GSG1L: variants seen among roughly 807,000 people sequenced by gnomAD.
The protein encoded by GSG1L is germ cell-specific gene 1-like protein.
In GSG1L, 24 loss-of-function variants were observed where a neutral mutation model predicts 42.1. That is an observed-to-expected ratio of 0.57 (90% CI 0.41 to 0.80). The LOEUF (loss-of-function observed/expected upper bound fraction) is 0.80. Ranked by LOEUF, GSG1L falls within the 30% of genes least tolerant of loss-of-function variation. The pLI is 0.00. For missense variants in GSG1L, 445 were observed against 472.2 expected (o/e 0.94, Z 0.53); for synonymous variants, 215 against 203.5 (o/e 1.06, Z -0.48).
chr16:27,897,141 G>A (rs144501327), intron 2 of GSG1L, among the ~76,000 whole-genome samples: 413 of 152,334 alleles, frequency 2.7e-3, no homozygotes, highest in African/African-American at 9.2e-3. Context: ...TGGGATAACA[G>A]GCATGGGCCA....
chr16:27,835,679 T>C (rs2140973213), intron 4 of GSG1L, among the ~76,000 whole-genome samples: 1 of 152,222 alleles, frequency 6.6e-6, no homozygotes, highest in South Asian at 2.1e-4. Flanking sequence ...TGTATATAGC[T>C]TTTTTAGGGG....
chr16:27,831,851 C>T (rs1358141654), intron 4 of GSG1L, among the ~76,000 whole-genome samples: 3 of 152,194 alleles, frequency 2.0e-5, no homozygotes, highest in Non-Finnish European at 2.9e-5. Context: ...GCCCTACGGT[C>T]TCTTTTCCAC....
intron 6 of GSG1L, among the ~76,000 whole-genome samples, chr16:27,797,821 CAAAAAAA>C (rs59207468): frequency 3.9e-5 from 3 of 77,218 alleles, no homozygotes; most frequent in African/African-American, 5.2e-5. Flanking sequence ...GACTCCATCT[CAAAAAAA>C]AAAAAAAAAA....
rs374722739 is a variant in GSG1L at position 27,857,314 on chromosome 16, G to C, written c.551-12253C>G. Among the ~76,000 whole-genome samples the C allele has an allele frequency of 3.3e-3, 497 of 151,782 alleles. 2 individuals carry two copies. Among genetic ancestry groups the C allele is most frequent in the African/African-American group, 0.011 (467 of 41,336 alleles). ...GTGGTGGTGGGCACCTGTAGCCCCA[G>C]CTACTTGGGAGGCTGAGGCAGGGGA... is the stretch of plus-strand genomic sequence containing the variant. On this transcript the variant is annotated intron_variant, in intron 3 of 6. Coordinates refer to ENST00000447459, the MANE Select transcript of GSG1L (RefSeq NM_001109763.2).
intron 1 of GSG1L, among the ~76,000 whole-genome samples, chr16:28,001,782 G>C (rs1049352044): frequency 1.3e-5 from 2 of 152,168 alleles, no homozygotes; most frequent in African/African-American, 2.4e-5. Context: ...GCCCAGAAGG[G>C]GGCCCAAGGT....
intron 2 of GSG1L, among the ~76,000 whole-genome samples, chr16:27,955,540 G>A (rs1203399328): frequency 6.6e-6 from 1 of 152,132 alleles, no homozygotes; most frequent in Non-Finnish European, 1.5e-5. Context: ...GGAAGACAAG[G>A]GAGCAGCCAA....
At position 28,040,228 on chromosome 16, in the gene GSG1L, G is replaced by A. The variant is rs2086091300; in HGVS notation, c.349+22848C>T. 6.6e-6 allele frequency among the ~76,000 whole-genome samples: 1 copy of A among 152,092 alleles called. No individual in the cohort carries two copies. Among genetic ancestry groups the A allele is most frequent in the East Asian group, 1.9e-4 (1 of 5,180 alleles). On this transcript the variant is annotated intron_variant, in intron 1 of 6. Coordinates refer to ENST00000447459, the MANE Select transcript of GSG1L (RefSeq NM_001109763.2). This position sits in a 1 kb window ranked among gnomAD's most constrained non-coding sequence, Gnocchi z 4.1. The stretch of plus-strand genomic sequence containing the variant: ...CTCCCTTCAGGTCCCTCTCCCACCC[G>A]AGGGCCTTTTCACTTGCGATTGCCT...
At chr16:27,900,595 G>C (rs928792677) in intron 2 of GSG1L, among the ~76,000 whole-genome samples, 3 of 152,160 alleles carry the variant, frequency 2.0e-5, no homozygotes, top group Admixed American at 1.3e-4. Flanking sequence ...GAGAAGGAAA[G>C]AGATTCACCC....
At chr16:27,902,360 A>G (rs1685872365) in intron 2 of GSG1L, among the ~76,000 whole-genome samples, 1 of 152,154 alleles carries the variant, frequency 6.6e-6, no homozygotes, top group Admixed American at 6.5e-5. Flanking sequence ...CTGAGAGATG[A>G]GAAAAGGCCA....
At chr16:27,888,907 A>C (rs2084087501) in intron 2 of GSG1L, among the ~76,000 whole-genome samples, 1 of 126,424 alleles carries the variant, frequency 7.9e-6, no homozygotes, top group Non-Finnish European at 1.8e-5. Flanking sequence ...CCTGAGCTGC[A>C]CCCAGCTGGC....
chr16:27,828,849 T>G lies in GSG1L; in HGVS notation c.770A>C (p.Gln257Pro). Residue 257 changes from glutamine (Q) to proline (P), a missense_variant, in exon 5 of 7, where the codon CAG (glutamine) becomes CCG (proline). Gln to Pro is a moderately conservative substitution (Grantham distance 76). Around this residue, in one of 3 missense-constraint regions of GSG1L, gnomAD observed 140 missense variants for 120.6 expected, o/e 1.16. Coordinates refer to ENST00000447459, the MANE Select transcript of GSG1L (RefSeq NM_001109763.2). Reference protein sequence around the residue: ...EFRHKRKVFEQGYREEPTFID... With the variant: ...EFRHKRKVFEPGYREEPTFID... ...GAAGGTCGGCTCTTCCCGGTAGCCC[T>G]GCTCAAAGACCTTGCGCTTGTGCCG... is the stretch of plus-strand genomic sequence containing the variant. 2 of 1,614,240 alleles carry G rather than the reference T, an allele frequency of 1.2e-6. No individual in the cohort carries two copies. Among genetic ancestry groups the G allele is most frequent in the Non-Finnish European group, 1.7e-6 (2 of 1,180,040 alleles).
intron 2 of GSG1L, among the ~76,000 whole-genome samples, chr16:27,952,805 T>A (rs932550948): frequency 1.3e-5 from 2 of 152,260 alleles, no homozygotes; most frequent in Non-Finnish European, 2.9e-5. Flanking sequence ...CACAGAAAAC[T>A]GCATATATCC....
rs2084836358 is a variant in GSG1L at position 27,944,130 on chromosome 16, G to A, written c.397+19026C>T. Among the ~76,000 whole-genome samples the A allele has an allele frequency of 2.0e-5, 3 of 152,156 alleles. No individual in the cohort carries two copies. In the South Asian group the frequency reaches 6.2e-4, roughly 32 times the overall value. On this transcript the variant is annotated intron_variant, in intron 2 of 6. Coordinates refer to ENST00000447459, the MANE Select transcript of GSG1L (RefSeq NM_001109763.2). The stretch of plus-strand genomic sequence containing the variant: ...CAGGGGCTTCTGGGAGTCTGACAAT[G>A]ACCCATTTCTTAACCTTAGCTGTAA...
At chr16:27,898,976 C>T (rs1040885511) in intron 2 of GSG1L, among the ~76,000 whole-genome samples, 1 of 152,150 alleles carries the variant, frequency 6.6e-6, no homozygotes, top group Admixed American at 6.5e-5. Context: ...TTGTTTGCCA[C>T]CACAAAGGCT....
intron 5 of GSG1L, among the ~76,000 whole-genome samples, chr16:27,827,336 T>C (rs907732306): frequency 2.0e-5 from 3 of 152,072 alleles, no homozygotes; most frequent in Admixed American, 6.5e-5. Context: ...GGGATAGGCC[T>C]GGGAGGCAGA....
At chr16:27,987,042 C>T (rs1489730016) in intron 1 of GSG1L, among the ~76,000 whole-genome samples, 1 of 152,098 alleles carries the variant, frequency 6.6e-6, no homozygotes, top group Non-Finnish European at 1.5e-5. Flanking sequence ...CATGGTGAAA[C>T]CCCGTCTCTA....
At chr16:28,028,073 T>C (rs1567561207) in intron 1 of GSG1L, among the ~76,000 whole-genome samples, 1 of 152,310 alleles carries the variant, frequency 6.6e-6, no homozygotes. Flanking sequence ...CACGTACATG[T>C]GTCATTTCGT....
chr16:27,850,025 T>TTTTTC, intron 3 of GSG1L, among the ~76,000 whole-genome samples: 2 of 110,996 alleles, frequency 1.8e-5, no homozygotes, highest in Non-Finnish European at 1.9e-5. Context: ...TGAAATGCCT[T>TTTTTC]TTTTTTTTTT....
intron 1 of GSG1L, among the ~76,000 whole-genome samples, chr16:27,992,217 T>C (rs1276681908): frequency 2.0e-5 from 3 of 152,000 alleles, no homozygotes; most frequent in South Asian, 2.1e-4. Flanking sequence ...ATATTTTCGG[T>C]TGGGCCCAGT....
Sources: allele counts gnomAD v4.1 joint callset (sites outside exome capture counted in the v4.1 genomes callset), GRCh38; gene constraint gnomAD v4.1.1; regional missense constraint gnomAD v4.1.1; non-coding constraint Gnocchi (gnomAD v3.1); transcripts MANE v1.5; gene names NCBI Gene and HGNC (gene_info 2026-07-23, HGNC 2026-07-21).